The following GLCCI1 variants were observed in gnomAD, a reference collection of about 807,000 sequenced individuals.
GLCCI1 encodes glucocorticoid-induced transcript 1 protein.
In GLCCI1, 24 loss-of-function variants were observed where a neutral mutation model predicts 52.2. The observed-to-expected ratio is 0.46, with a 90% CI of 0.33 to 0.65. The LOEUF is 0.65. Among genes scored for constraint, GLCCI1 ranks in the 30% least tolerant of loss-of-function variants. GLCCI1 has a pLI of 0.02. For synonymous variants in GLCCI1, 310 were observed against 276.5 expected, an observed-to-expected ratio of 1.12 and a Z score of -1.20; for missense variants, 704 against 701.5, an observed-to-expected ratio of 1.00 and a Z score of -0.04.
At chr7:8,080,013 T>G (rs1043859755) in intron 6 of GLCCI1, among the ~76,000 whole-genome samples, 1 of 151,512 alleles carries the variant, frequency 6.6e-6, no homozygotes, top group Admixed American at 6.6e-5. Flanking sequence ...AGAGGCTCTT[T>G]GTAAAAGCCA....
chr7:8,054,395 AC>A (rs1420069748), intron 3 of GLCCI1, among the ~76,000 whole-genome samples: 16 of 152,176 alleles, frequency 1.1e-4, no homozygotes, highest in Non-Finnish European at 5.9e-5. Flanking sequence ...GCTTTAAAAA[AC>A]TTAAAAGGAT....
chr7:8,055,092 A>G (rs553182002), intron 3 of GLCCI1, among the ~76,000 whole-genome samples: 3 of 152,296 alleles, frequency 2.0e-5, no homozygotes, highest in East Asian at 1.9e-4. Flanking sequence ...AACTTTAATC[A>G]GTAGGCATTT....
At chr7:7,995,659 CCAAA>C (rs1780924262) in intron 1 of GLCCI1, among the ~76,000 whole-genome samples, 1 of 152,072 alleles carries the variant, frequency 6.6e-6, no homozygotes, top group African/African-American at 2.4e-5. Context: ...GGACAAAAAA[CCAAA>C]CACCGCATGT....
At chr7:7,984,404 G>A (rs994224857) in intron 1 of GLCCI1, among the ~76,000 whole-genome samples, 2 of 152,264 alleles carry the variant, frequency 1.3e-5, no homozygotes, top group Middle Eastern at 3.4e-3. Context: ...CCAAAATTTG[G>A]TGGGCTCTTC....
intron 3 of GLCCI1, among the ~76,000 whole-genome samples, chr7:8,038,514 CTT>C (rs1781920757): frequency 6.6e-6 from 1 of 152,290 alleles, no homozygotes; most frequent in Admixed American, 6.5e-5. Context: ...AAAGTACACT[CTT>C]TTGAATAAAT....
At chr7:8,020,294 A>G (rs1463184480) in intron 2 of GLCCI1, among the ~76,000 whole-genome samples, 1 of 152,158 alleles carries the variant, frequency 6.6e-6, no homozygotes, top group Non-Finnish European at 1.5e-5. Flanking sequence ...TTATAATTTT[A>G]TGGGACCACT....
chr7:7,990,859 A>G (rs1011080479), intron 1 of GLCCI1, among the ~76,000 whole-genome samples: 1 of 152,046 alleles, frequency 6.6e-6, no homozygotes, highest in Non-Finnish European at 1.5e-5. Flanking sequence ...GAGTCTGTTT[A>G]TTCTGGGTTT....
intron 5 of GLCCI1, among the ~76,000 whole-genome samples, chr7:8,063,093 G>A (rs1016321360): frequency 2.0e-5 from 3 of 152,220 alleles, no homozygotes; most frequent in African/African-American, 7.2e-5. Flanking sequence ...CAGTGTATAA[G>A]CATTCCCTTT....
At chr7:8,008,840 T>G (rs1363457549) in intron 2 of GLCCI1, among the ~76,000 whole-genome samples, 1 of 152,052 alleles carries the variant, frequency 6.6e-6, no homozygotes, top group Non-Finnish European at 1.5e-5. Flanking sequence ...GTGGAGTAAA[T>G]AGAGCAAAAT....
Position 7,993,550 on chromosome 7 carries a change from C to G in GLCCI1, c.458-10358C>G, listed in dbSNP as rs142550279. ...TGTGTGGAATCCCCTCCCAGTTTGG[C>G]TACTATTCTAGATTGGCCCTTTACA... On this transcript the variant is annotated intron_variant, in intron 1 of 7. Transcript: ENST00000223145. Among the ~76,000 whole-genome samples the G allele has an allele frequency of 7.9e-4, 121 of 152,268 alleles. 1 individual carries two copies. Among genetic ancestry groups the G allele is most frequent in the African/African-American group, 2.7e-3 (114 of 41,564 alleles).
At chr7:7,985,049 C>A (rs1350711694) in intron 1 of GLCCI1, among the ~76,000 whole-genome samples, 4 of 152,210 alleles carry the variant, frequency 2.6e-5, no homozygotes, top group Non-Finnish European at 5.9e-5. Flanking sequence ...GAAAAACTTT[C>A]ACAAAACATT....
rs1562417490 is a variant in GLCCI1, at chr7:7,986,843, CTT to C, written c.457+17038_457+17039del. ...AGTTCTTACTTCCTACTAGCATAATCTTTGACTTTTTCTCCTCACTCATTTCT... is the reference window on the plus strand; with the variant it reads ...AGTTCTTACTTCCTACTAGCATAATCTGACTTTTTCTCCTCACTCATTTCT... On this transcript the variant is annotated intron_variant, in intron 1 of 7. Transcript: ENST00000223145. 2.6e-5 allele frequency among the ~76,000 whole-genome samples: 4 copies of C among 152,272 alleles called. No homozygotes were observed. In the South Asian group the frequency reaches 8.3e-4, roughly 32 times the overall value.
intron 5 of GLCCI1, among the ~76,000 whole-genome samples, chr7:8,064,882 G>GT (rs891192160): frequency 4.6e-5 from 7 of 151,262 alleles, no homozygotes; most frequent in South Asian, 2.1e-4. Flanking sequence ...GAATTTTTTG[G>GT]TTTTTTTTGT....
intron 3 of GLCCI1, among the ~76,000 whole-genome samples, chr7:8,034,826 C>T (rs764044828): frequency 6.6e-6 from 1 of 152,132 alleles, no homozygotes; most frequent in East Asian, 1.9e-4. Flanking sequence ...CCCTTCCCCT[C>T]GCAGCAAACT....
chr7:7,979,302 A>G (rs1355000114), intron 1 of GLCCI1, among the ~76,000 whole-genome samples: 1 of 152,160 alleles, frequency 6.6e-6, no homozygotes, highest in Non-Finnish European at 1.5e-5. Flanking sequence ...AGGGAATTGC[A>G]TTTGCTCACT....
At chr7:7,985,134 A>G (rs1780696153) in intron 1 of GLCCI1, among the ~76,000 whole-genome samples, 2 of 152,246 alleles carry the variant, frequency 1.3e-5, no homozygotes, top group South Asian at 4.1e-4. Context: ...AGTGCTGTAG[A>G]TTATGATTTT....
intron 4 of GLCCI1, among the ~76,000 whole-genome samples, chr7:8,056,364 G>A (rs988384129): frequency 6.6e-6 from 1 of 152,058 alleles, no homozygotes; most frequent in African/African-American, 2.4e-5. Context: ...ATACTGACCT[G>A]GATTGAAATC....
In GLCCI1 at chr7:8,086,408, C is replaced by G; in HGVS notation, c.1514C>G (p.Ser505Cys). 6.2e-7 allele frequency: 1 copy of G among 1,614,196 alleles called. No homozygotes were observed. The highest frequency in any genetic ancestry group is 8.5e-7 in the Non-Finnish European group (1 of 1,180,046). ...EQLSSRVSFT[S>C]LSDDTSTAGS... Reference sequence around the variant, plus strand: ...CTCTCATCCCGGGTTTCCTTTACGTCTCTTTCTGATGACACCAGCACAGCG... The same window carrying G: ...CTCTCATCCCGGGTTTCCTTTACGTGTCTTTCTGATGACACCAGCACAGCG... Residue 505 changes from serine to cysteine, a missense_variant, in exon 8 of 8, where the codon TCT (serine) becomes TGT (cysteine). Around this residue, in one of 3 missense-constraint regions of GLCCI1, gnomAD observed 149 missense variants for 152.9 expected, o/e 0.97. Transcript: ENST00000223145. The surrounding 1 kb of genome is among the most constrained non-coding windows in gnomAD (Gnocchi z 4.4).
At chr7:8,078,332 G>T (rs1443499585) in intron 6 of GLCCI1, among the ~76,000 whole-genome samples, 2 of 151,044 alleles carry the variant, frequency 1.3e-5, no homozygotes, top group African/African-American at 2.4e-5. Context: ...TCACATTTAA[G>T]AACTATAACT....
Sources: allele counts gnomAD v4.1 joint callset (sites outside exome capture counted in the v4.1 genomes callset), GRCh38; gene constraint gnomAD v4.1.1; regional missense constraint gnomAD v4.1.1; non-coding constraint Gnocchi (gnomAD v3.1); transcripts MANE v1.5; gene names NCBI Gene and HGNC (gene_info 2026-07-23, HGNC 2026-07-21).